The following SLC35F3 variants were observed in gnomAD, a reference collection of about 807,000 sequenced individuals.
The protein encoded by SLC35F3 is solute carrier family 35 member F3.
A neutral mutation model predicts 49.9 loss-of-function variants in SLC35F3; 25 were observed. That is an observed-to-expected ratio of 0.50 (90% CI 0.37 to 0.70). The LOEUF is 0.70. Ranked by LOEUF, SLC35F3 falls within the 30% of genes least tolerant of loss-of-function variation. The pLI, the probability that SLC35F3 is intolerant of heterozygous loss-of-function variation, is 0.00. For synonymous variants in SLC35F3, 275 were observed against 265.4 expected, an observed-to-expected ratio of 1.04 and a Z score of -0.35; for missense variants, 525 against 639.8, an observed-to-expected ratio of 0.82 and a Z score of 1.94.
intron 2 of SLC35F3, among the ~76,000 whole-genome samples, chr1:233,967,984 C>T (rs1197038589): frequency 1.3e-5 from 2 of 152,122 alleles, no homozygotes; most frequent in Non-Finnish European, 2.9e-5. Flanking sequence ...AACCAAGTAC[C>T]ACAAACTGGA....
chr1:234,214,763 C>T lies in SLC35F3; in HGVS notation c.284-16654C>T. ...GCAGCTTCAGGGGCTGCCCTGAGCT[C>T]CCTGGCGAGCAGGAGTGAGCTGCTG... is the stretch of plus-strand genomic sequence containing the variant. On this transcript the variant is annotated intron_variant, in intron 2 of 7. Coordinates refer to ENST00000366618, the MANE Select transcript of SLC35F3 (RefSeq NM_173508.4). This position sits in a 1 kb window ranked among gnomAD's most constrained non-coding sequence, Gnocchi z 8.0. 5.5e-6 allele frequency: 4 copies of T among 732,068 alleles called. No individual in the cohort carries two copies. Among genetic ancestry groups the T allele is most frequent in the Non-Finnish European group, 8.0e-6 (4 of 498,156 alleles). 45.3% of individuals were successfully genotyped at this position (732,068 alleles called of 1,614,324 possible). A position where few individuals can be genotyped will look rare whatever the true frequency, so the allele number is the denominator to read the frequency against.
At chr1:233,929,199 AG>A (rs1262800922) in intron 2 of SLC35F3, among the ~76,000 whole-genome samples, 1 of 152,190 alleles carries the variant, frequency 6.6e-6, no homozygotes, top group Non-Finnish European at 1.5e-5. Flanking sequence ...ATTAGCCCTT[AG>A]GGCACACCTG....
At chr1:234,294,216 A>G (rs1668554364) in intron 3 of SLC35F3, among the ~76,000 whole-genome samples, 1 of 152,184 alleles carries the variant, frequency 6.6e-6, no homozygotes, top group African/African-American at 2.4e-5. Flanking sequence ...TGCAACACCC[A>G]GGGAGGCAGG....
chr1:234,115,532 A>G (rs1463598759), intron 2 of SLC35F3, among the ~76,000 whole-genome samples: 1 of 152,220 alleles, frequency 6.6e-6, no homozygotes, highest in East Asian at 1.9e-4. Context: ...CCAAATGCTT[A>G]GGAATAAAGT....
intron 2 of SLC35F3, among the ~76,000 whole-genome samples, chr1:234,002,141 T>G (rs543955944): frequency 1.3e-5 from 2 of 152,324 alleles, no homozygotes; most frequent in East Asian, 1.9e-4. Context: ...ATGATACTTT[T>G]GGATTTACAG....
At chr1:234,076,705 C>T (rs1558222693) in intron 2 of SLC35F3, among the ~76,000 whole-genome samples, 1 of 152,096 alleles carries the variant, frequency 6.6e-6, no homozygotes, top group Non-Finnish European at 1.5e-5. Flanking sequence ...AGGTGATCCA[C>T]CAGCCTCGCC....
chr1:234,250,670 AAAG>A (rs1376266592), intron 3 of SLC35F3, among the ~76,000 whole-genome samples: 3 of 151,742 alleles, frequency 2.0e-5, no homozygotes, highest in Admixed American at 6.6e-5. Context: ...AAAAAAAAAA[AAAG>A]AAGTTCCTTT....
intron 2 of SLC35F3, among the ~76,000 whole-genome samples, chr1:234,054,804 G>A (rs1264535405): frequency 6.6e-6 from 1 of 152,164 alleles, no homozygotes; most frequent in East Asian, 1.9e-4. Flanking sequence ...TAATGATGGT[G>A]ACGTACAGAT....
At chr1:234,155,526 C>T (rs1370601278) in intron 2 of SLC35F3, among the ~76,000 whole-genome samples, 2 of 152,016 alleles carry the variant, frequency 1.3e-5, no homozygotes, top group Non-Finnish European at 2.9e-5. Flanking sequence ...TCTCCTGCCT[C>T]AGTTTCCCAA....
At chr1:234,111,884 G>T (rs1373540386) in intron 2 of SLC35F3, among the ~76,000 whole-genome samples, 1 of 152,218 alleles carries the variant, frequency 6.6e-6, no homozygotes, top group Non-Finnish European at 1.5e-5. Context: ...GGGTGAGGTT[G>T]GCCTTGTCCT....
intron 2 of SLC35F3, among the ~76,000 whole-genome samples, chr1:234,189,563 T>C (rs1252645275): frequency 7.2e-6 from 1 of 138,486 alleles, no homozygotes; most frequent in Non-Finnish European, 1.6e-5. Context: ...CTCCGAGAAG[T>C]CTGGGGTTAT....
chr1:234,316,785 G>A (rs1357161244), intron 5 of SLC35F3, 58 bp downstream of exon 5: 25 of 1,565,264 alleles, frequency 1.6e-5, no homozygotes, highest in Middle Eastern at 1.7e-4. Context: ...CAGCACAGCC[G>A]GCTTTAGATC....
At chr1:234,066,872 A>T (rs928336887) in intron 2 of SLC35F3, among the ~76,000 whole-genome samples, 6 of 134,902 alleles carry the variant, frequency 4.4e-5, no homozygotes, top group African/African-American at 1.6e-4. Context: ...ACACACACAC[A>T]CACAATTATA....
chr1:234,219,082 C>T, intron 2 of SLC35F3, among the ~76,000 whole-genome samples: 1 of 141,240 alleles, frequency 7.1e-6, no homozygotes, highest in Non-Finnish European at 1.5e-5. Flanking sequence ...AAAAAGCTCC[C>T]ACTGTAATAT....
chr1:233,934,379 C>G (rs148038161), intron 2 of SLC35F3, among the ~76,000 whole-genome samples: 136 of 152,198 alleles, frequency 8.9e-4, no homozygotes, highest in African/African-American at 3.1e-3. Context: ...TGTATGAATT[C>G]CTTATTCTTA....
At chr1:234,091,708 T>C (rs972853916) in intron 2 of SLC35F3, among the ~76,000 whole-genome samples, 1 of 152,262 alleles carries the variant, frequency 6.6e-6, no homozygotes. Context: ...GGTATTTATA[T>C]TTAAATGAGC....
chr1:234,182,764 G>T (rs1369613930), intron 2 of SLC35F3, among the ~76,000 whole-genome samples: 2 of 152,042 alleles, frequency 1.3e-5, no homozygotes, highest in Non-Finnish European at 2.9e-5. Flanking sequence ...TTTCCAATTT[G>T]ATAAATGAGA....
At chr1:233,943,377 T>A (rs1433360858) in intron 2 of SLC35F3, among the ~76,000 whole-genome samples, 2 of 152,258 alleles carry the variant, frequency 1.3e-5, no homozygotes, top group Non-Finnish European at 2.9e-5. Flanking sequence ...AATTTTGTTC[T>A]TTATAGCTCA....
At chr1:234,221,117 T>C (rs535765064) in intron 2 of SLC35F3, among the ~76,000 whole-genome samples, 2 of 152,074 alleles carry the variant, frequency 1.3e-5, no homozygotes, top group Admixed American at 6.5e-5. Flanking sequence ...GAGAGTGATG[T>C]GTCAGATGCA....
Sources: allele counts gnomAD v4.1 joint callset (sites outside exome capture counted in the v4.1 genomes callset), GRCh38; gene constraint gnomAD v4.1.1; non-coding constraint Gnocchi (gnomAD v3.1); transcripts MANE v1.5; gene names NCBI Gene and HGNC (gene_info 2026-07-23, HGNC 2026-07-21).